Variants in DUSP6 observed in about 807,000 individuals in gnomAD.
The protein encoded by DUSP6 is dual specificity phosphatase 6.
A neutral mutation model predicts 28.0 loss-of-function variants in DUSP6; 6 were observed. The ratio of observed to expected loss-of-function variants is 0.21; its 90% CI spans 0.12 to 0.42. The LOEUF is 0.42. Among genes scored for constraint, DUSP6 ranks in the 10% least tolerant of loss-of-function variants. The probability of loss-of-function intolerance (pLI) is 1.00; values close to 1 mark genes in which losing one functional copy is unlikely to be tolerated. For synonymous variants in DUSP6, 252 were observed against 217.5 expected (o/e 1.16, Z -1.40); for missense variants, 451 against 498.1 (o/e 0.91, Z 0.90).
chr12:89,352,463 C>G lies in DUSP6; in HGVS notation c.-424G>C, dbSNP rs1879241908. The stretch of plus-strand genomic sequence containing the variant: ...TCGATTTGCTATCTCTTGGACTCAG[C>G]CTCGCACACCCCCTGCGCGAGGCAG... On this transcript the variant is annotated 5_prime_UTR_variant, in exon 1 of 3. Transcript: ENST00000279488. 5.6e-6 allele frequency: 1 copy of G among 178,620 alleles called. No homozygotes were observed. Among genetic ancestry groups the G allele is most frequent in the Admixed American group, 5.4e-5 (1 of 18,540 alleles). The allele number at this position is 178,620 out of a possible 1,614,324, so 11.1% of individuals were successfully genotyped here.
At chr12:89,351,568 C>T (rs1879189449) in intron 1 of DUSP6, 72 bp downstream of exon 1, 3 of 1,475,076 alleles carry the variant, frequency 2.0e-6, no homozygotes, top group Non-Finnish European at 2.7e-6. Context: ...GAGGTATTTT[C>T]AATCCACGCG....
At chr12:89,350,499 G>C in intron 2 of DUSP6, 89 bp downstream of exon 2, 6 of 1,306,436 alleles carry the variant, frequency 4.6e-6, no homozygotes, top group Non-Finnish European at 5.3e-6. Flanking sequence ...AAATTAGCAA[G>C]CAGCAAGAAC....
chr12:89,352,196 C>G lies in DUSP6; in HGVS notation c.-157G>C, dbSNP rs577697011. ...AGGCTAGCGGTTGGGGCAGACGAGA[C>G]AGAAGTAAAGCCGGAGGTTCTCTCT... On this transcript the variant is annotated 5_prime_UTR_variant, in exon 1 of 3. Transcript: ENST00000279488. 2.4e-5 allele frequency: 28 copies of G among 1,154,594 alleles called. No homozygotes were observed. In the African/African-American group the frequency reaches 2.5e-4, roughly 10 times the overall value. The allele number at this position is 1,154,594 out of a possible 1,614,324, so 71.5% of individuals were successfully genotyped here.
chr12:89,350,701 T>C lies in DUSP6; in HGVS notation c.725A>G (p.Asn242Ser). Residue 242 changes from asparagine to serine, a missense_variant, in exon 2 of 3, where the codon AAT becomes AGT. Physicochemically the swap from Asn to Ser is conservative, Grantham distance 46. Coordinates refer to ENST00000279488, the MANE Select transcript of DUSP6 (RefSeq NM_001946.4). ...TGCGTTCTCAAAGAGATTCGGCAAATTGGGGGTGACGTTCAAGATGTACTT... is the reference window on the plus strand; with the variant it reads ...TGCGTTCTCAAAGAGATTCGGCAAACTGGGGGTGACGTTCAAGATGTACTT... The part of the protein sequence containing the change: ...GIKYILNVTP[N>S]LPNLFENAGE... The C allele has an allele frequency of 1.2e-6, 2 of 1,614,034 alleles. No individual in the cohort carries two copies. The highest frequency in any genetic ancestry group is 1.7e-6 in the Non-Finnish European group (2 of 1,180,004).
intron 2 of DUSP6, 71 bp downstream of exon 2, chr12:89,350,517 A>C (rs954668406): frequency 6.9e-7 from 1 of 1,439,914 alleles, no homozygotes; most frequent in Non-Finnish European, 9.5e-7. Flanking sequence ...AACGATTAAC[A>C]GCTTAAACTC....
At position 89,351,732 on chromosome 12, in the gene DUSP6, C is replaced by A; in HGVS notation, c.308G>T (p.Ser103Ile). The A allele has an allele frequency of 6.2e-7, 1 of 1,606,408 alleles. No individual in the cohort carries two copies. The highest frequency in any genetic ancestry group is 8.5e-7 in the Non-Finnish European group (1 of 1,177,228). The change falls in exon 1 of 3, where the codon AGC (serine) becomes ATC (isoleucine). Residue 103 changes from serine (S) to isoleucine (I), a missense_variant. Around this residue, in one of 2 missense-constraint regions of DUSP6, gnomAD observed 347 missense variants for 346.6 expected, o/e 1.00. Transcript: ENST00000279488. ...DTVVLYDESS[S>I]DWNENTGGES... ...GCCGCCCGTATTCTCGTTCCAGTCG[C>A]TGCTGCTCTCGTCGTAGAGCACCAC...
At position 89,349,448 on chromosome 12, in the gene DUSP6, C is replaced by T. The variant is rs759303132; in HGVS notation, c.952G>A (p.Asp318Asn). ...TTCATTTTGACAATGTCATAGGCAT[C>T]GTTCATCGACAGATTGAGCTTCTGC... is the stretch of plus-strand genomic sequence containing the variant. Reference protein sequence around the residue: ...LMQKLNLSMNDAYDIVKMKKS... With the variant: ...LMQKLNLSMNNAYDIVKMKKS... Residue 318 changes from aspartate (D) to asparagine (N), a missense_variant, in exon 3 of 3, where the codon GAT (aspartate) becomes AAT (asparagine). Physicochemically the swap from Asp to Asn is conservative, Grantham distance 23. Coordinates refer to ENST00000279488, the MANE Select transcript of DUSP6 (RefSeq NM_001946.4). The T allele has an allele frequency of 2.5e-6, 4 of 1,614,098 alleles. No homozygotes were observed. The highest frequency in any genetic ancestry group is 2.2e-5 in the South Asian group (2 of 91,076).
chr12:89,349,606 C>T, intron 2 of DUSP6, 45 bp from the exon 3 acceptor site: 1 of 1,478,010 alleles, frequency 6.8e-7, no homozygotes, highest in Non-Finnish European at 9.2e-7. Context: ...GACTGAAAAC[C>T]ACCCTTTGTG....
chr12:89,349,829 A>G (rs1879120527), intron 2 of DUSP6, among the ~76,000 whole-genome samples: 1 of 152,242 alleles, frequency 6.6e-6, no homozygotes, highest in Non-Finnish European at 1.5e-5. Flanking sequence ...TTGCCTCGGC[A>G]TGTGAATACC....
In DUSP6 at chr12:89,348,848, A is replaced by G. The variant is rs1474633287; in HGVS notation, c.*406T>C. 6.3e-6 allele frequency: 1 copy of G among 159,618 alleles called. No homozygotes were observed. The highest frequency in any genetic ancestry group is 1.4e-5 in the Non-Finnish European group (1 of 72,852). 9.9% of individuals were successfully genotyped at this position (159,618 alleles called of 1,614,324 possible). On this transcript the variant is annotated 3_prime_UTR_variant, in exon 3 of 3. Transcript: ENST00000279488. ...TCTCTTTGGCTCCTCTATATGCAAA[A>G]TTGAATTAGTCTTCATTGAAGACAA...
intron 1 of DUSP6, chr12:89,351,401 C>A (rs1441124320): frequency 3.1e-6 from 2 of 648,820 alleles, no homozygotes; most frequent in Admixed American, 6.3e-5. Flanking sequence ...GCGCAGAACC[C>A]GTTAGAAAGA....
intron 2 of DUSP6, among the ~76,000 whole-genome samples, chr12:89,350,159 G>C (rs704077): frequency 0.059 from 8,945 of 152,318 alleles, 343 homozygotes; most frequent in Admixed American, 0.13. Context: ...CATTCAACTG[G>C]ATAACATTCA....
chr12:89,350,827 GA>G lies in DUSP6; in HGVS notation c.598del (p.Ser200ProfsTer38). ...SATDSDGSPL[S>X]NSQPSFPVEI... ...CACTGGGAAGGAAGGCTGGCTGTTG[GA>G]CAGCGGACTACCATCCGAGTCTGTT... is the stretch of plus-strand genomic sequence containing the variant. On this transcript the variant is annotated frameshift_variant, in exon 2 of 3. Transcript: ENST00000279488. LOFTEE classifies it high-confidence loss of function. 6.2e-7 allele frequency: 1 copy of G among 1,614,116 alleles called. No individual in the cohort carries two copies. Among genetic ancestry groups the G allele is most frequent in the Non-Finnish European group, 8.5e-7 (1 of 1,180,032 alleles).
At position 89,352,300 on chromosome 12, in the gene DUSP6, C is replaced by T; in HGVS notation, c.-261G>A. On this transcript the variant is annotated 5_prime_UTR_variant, in exon 1 of 3. Coordinates refer to ENST00000279488, the MANE Select transcript of DUSP6 (RefSeq NM_001946.4). Reference sequence around the variant, plus strand: ...CTGCCCAGATAGTTTTTGTTCCTCCCCAGTGAATGAAATCCAATTAATTCG... The same window carrying T: ...CTGCCCAGATAGTTTTTGTTCCTCCTCAGTGAATGAAATCCAATTAATTCG... 3.8e-6 allele frequency: 2 copies of T among 528,008 alleles called. No homozygotes were observed. The highest frequency in any genetic ancestry group is 5.3e-5 in the South Asian group (2 of 37,718). 32.7% of individuals were successfully genotyped at this position (528,008 alleles called of 1,614,324 possible).
rs1879102772 is a variant in DUSP6, at chr12:89,349,407, G to A, written c.993C>T (p.Ser331=). ...DIVKMKKSNI[S]PNFNFMGQLL... is the part of the protein sequence containing the mutation. Reference sequence around the variant, plus strand: ...GCTGACCCATGAAGTTGAAGTTAGGGGATATGTTGGATTTTTTCATTTTGA... The same window carrying A: ...GCTGACCCATGAAGTTGAAGTTAGGAGATATGTTGGATTTTTTCATTTTGA... The change falls in exon 3 of 3, where the codon TCC becomes TCT. Residue 331 remains serine, a synonymous_variant. Coordinates refer to ENST00000279488, the MANE Select transcript of DUSP6 (RefSeq NM_001946.4). The A allele has an allele frequency of 6.2e-7, 1 of 1,614,076 alleles. No homozygotes were observed. Among genetic ancestry groups the A allele is most frequent in the Middle Eastern group, 1.6e-4 (1 of 6,062 alleles).
rs1006975876 is a variant in DUSP6 at position 89,352,475 on chromosome 12, C to G, written c.-436G>C. The G allele has an allele frequency of 1.2e-5, 2 of 173,900 alleles. No individual in the cohort carries two copies. The highest frequency in any genetic ancestry group is 2.4e-5 in the African/African-American group (1 of 41,970). The allele number at this position is 173,900 out of a possible 1,614,324, so 10.8% of individuals were successfully genotyped here. A position where few individuals can be genotyped will look rare whatever the true frequency, so the allele number is the denominator to read the frequency against. ...CTCTTGGACTCAGCCTCGCACACCC[C>G]CTGCGCGAGGCAGCTCCTCAATGGA... On this transcript the variant is annotated 5_prime_UTR_variant, in exon 1 of 3. Coordinates refer to ENST00000279488, the MANE Select transcript of DUSP6 (RefSeq NM_001946.4).
rs74817147 is a variant in DUSP6 at position 89,351,342 on chromosome 12, T to C, written c.400+298A>G. 6,219 of 578,102 alleles carry C rather than the reference T, an allele frequency of 0.011. 316 individuals carry two copies. The highest frequency in any genetic ancestry group is 0.1 in the African/African-American group (5,544 of 53,346). 35.8% of individuals were successfully genotyped at this position (578,102 alleles called of 1,614,324 possible). ...CCGTCCTGCAAATCTTAATTCAAAATCGAACGATAGAAAACAGGGTGATGG... is the reference window on the plus strand; with the variant it reads ...CCGTCCTGCAAATCTTAATTCAAAACCGAACGATAGAAAACAGGGTGATGG... On this transcript the variant is annotated intron_variant, in intron 1 of 2. Transcript: ENST00000279488.
At position 89,349,130 on chromosome 12, in the gene DUSP6, G is replaced by T; in HGVS notation, c.*124C>A. Reference sequence around the variant, plus strand: ...ATTCCGCACTTGGTAACCTTGTCTAGTACAGACAGCTGGTGTCATTTTGAC... The same window carrying T: ...ATTCCGCACTTGGTAACCTTGTCTATTACAGACAGCTGGTGTCATTTTGAC... On this transcript the variant is annotated 3_prime_UTR_variant, in exon 3 of 3. Transcript: ENST00000279488. 9.4e-7 allele frequency: 1 copy of T among 1,062,060 alleles called. No individual in the cohort carries two copies. 65.8% of individuals were successfully genotyped at this position (1,062,060 alleles called of 1,614,324 possible).
chr12:89,350,558 G>A, intron 2 of DUSP6, 30 bp downstream of exon 2: 1 of 1,588,106 alleles, frequency 6.3e-7, no homozygotes, highest in South Asian at 1.1e-5. Context: ...GCATTTAAAT[G>A]TCAGAGCGAC....
Sources: gnomAD v4.1 joint callset for allele counts (sites outside exome capture counted in the v4.1 genomes callset) on GRCh38, gnomAD v4.1.1 for gene constraint, gnomAD v4.1.1 regional missense constraint, MANE v1.5 for transcripts, NCBI Gene and HGNC (gene_info 2026-07-23, HGNC 2026-07-21) for gene names.